Variants in KIAA1217 observed in about 807,000 individuals in gnomAD.
KIAA1217 encodes sickle tail protein homolog.
A neutral mutation model predicts 163.9 loss-of-function variants in KIAA1217; 88 were observed. The observed-to-expected ratio is 0.54, with a 90% CI of 0.45 to 0.64. KIAA1217 has a LOEUF of 0.64. KIAA1217 is among the 30% of genes least tolerant of loss of function. The pLI is 0.00. For synonymous variants in KIAA1217, 903 were observed against 923.1 expected, an observed-to-expected ratio of 0.98 and a Z score of 0.39; for missense variants, 2,372 against 2,475.0, an observed-to-expected ratio of 0.96 and a Z score of 0.88.
chr10:23,895,468 G>A (rs1490061883), intron 1 of KIAA1217, among the ~76,000 whole-genome samples: 1 of 152,094 alleles, frequency 6.6e-6, no homozygotes, highest in Non-Finnish European at 1.5e-5. Flanking sequence ...AGTTAGAATG[G>A]CAATCATTAA....
At chr10:23,877,513 A>G (rs1358891747) in intron 1 of KIAA1217, 1 of 151,644 alleles carries the variant, frequency 6.6e-6, no homozygotes, top group Non-Finnish European at 1.5e-5. Context: ...AGACAACGTC[A>G]TAATCAGCAT....
At chr10:24,290,101 C>T (rs368490679) in intron 2 of KIAA1217, among the ~76,000 whole-genome samples, 3 of 151,944 alleles carry the variant, frequency 2.0e-5, no homozygotes, top group Non-Finnish European at 2.9e-5. Flanking sequence ...ATAAGGAGGC[C>T]GAAAAACCTG....
chr10:24,061,412 C>A (rs966192119), intron 2 of KIAA1217, among the ~76,000 whole-genome samples: 5 of 152,124 alleles, frequency 3.3e-5, no homozygotes, highest in African/African-American at 1.2e-4. Flanking sequence ...GCTTCAAATA[C>A]AATGATTTAA....
At chr10:23,713,502 G>A (rs573689423) in intron 1 of KIAA1217, among the ~76,000 whole-genome samples, 2 of 152,200 alleles carry the variant, frequency 1.3e-5, no homozygotes, top group East Asian at 3.9e-4. Context: ...GTGTTTAACA[G>A]CTTCTTTGGA....
chr10:24,372,863 A>T (rs1364256839), intron 2 of KIAA1217, among the ~76,000 whole-genome samples: 5 of 152,198 alleles, frequency 3.3e-5, no homozygotes, highest in African/African-American at 1.2e-4. Context: ...TCTATTAAAG[A>T]TGTAATATGT....
chr10:24,402,244 C>T (rs534767247), intron 3 of KIAA1217, among the ~76,000 whole-genome samples: 6 of 152,234 alleles, frequency 3.9e-5, no homozygotes, highest in East Asian at 3.9e-4. Flanking sequence ...CAGTGACTCA[C>T]GCCTGTAATC....
chr10:23,818,002 T>TAC (rs1214729376), intron 1 of KIAA1217, among the ~76,000 whole-genome samples: 1 of 103,718 alleles, frequency 9.6e-6, no homozygotes, highest in African/African-American at 4.0e-5. Flanking sequence ...TATATATATA[T>TAC]ATATATACAC....
chr10:24,119,234 A>C (rs1204708529), intron 2 of KIAA1217, among the ~76,000 whole-genome samples: 2 of 152,214 alleles, frequency 1.3e-5, no homozygotes, highest in African/African-American at 4.8e-5. Context: ...ACGATATTTT[A>C]ACTTGGAAAA....
At chr10:24,240,451 C>G (rs535963596) in intron 2 of KIAA1217, among the ~76,000 whole-genome samples, 2 of 152,288 alleles carry the variant, frequency 1.3e-5, no homozygotes, top group East Asian at 3.8e-4. Context: ...TGAAATTTTG[C>G]AGTTAGATAA....
At chr10:23,907,196 C>G (rs1842196741) in intron 1 of KIAA1217, among the ~76,000 whole-genome samples, 1 of 151,962 alleles carries the variant, frequency 6.6e-6, no homozygotes, top group African/African-American at 2.4e-5. Flanking sequence ...TTTCACCCTC[C>G]TTTCTTTTGT....
At chr10:24,456,633 G>A (rs1006224251) in intron 5 of KIAA1217, among the ~76,000 whole-genome samples, 1 of 151,920 alleles carries the variant, frequency 6.6e-6, no homozygotes, top group East Asian at 1.9e-4. Context: ...TCCAGTGCTC[G>A]ATCCACCACA....
In KIAA1217 at chr10:23,998,704, G is replaced by A. The variant is rs534050391; in HGVS notation, c.-320-8521G>A. ...CAGGGGAGAATTAGTTGGGGAAACT[G>A]GGCACTTACAAAAGGTCTTACTGAT... On this transcript the variant is annotated intron_variant, in intron 1 of 18. Coordinates refer to the KIAA1217 transcript ENST00000376462. Among the ~76,000 whole-genome samples the A allele has an allele frequency of 6.6e-5, 10 of 152,318 alleles. No homozygotes were observed. The South Asian group carries it at 1.7e-3, about 25-fold the overall frequency.
intron 1 of KIAA1217, among the ~76,000 whole-genome samples, chr10:23,931,193 G>T (rs1266813677): frequency 6.6e-6 from 1 of 152,000 alleles, no homozygotes; most frequent in African/African-American, 2.4e-5. Flanking sequence ...TCATTACATG[G>T]ATGTTCTTGT....
chr10:24,015,639 C>T (rs1376532303), intron 2 of KIAA1217, among the ~76,000 whole-genome samples: 1 of 151,650 alleles, frequency 6.6e-6, no homozygotes, highest in Non-Finnish European at 1.5e-5. Context: ...GCCTGTAGTC[C>T]CAGCTACTCA....
chr10:23,970,348 C>G (rs772969134), intron 1 of KIAA1217, among the ~76,000 whole-genome samples: 1 of 152,078 alleles, frequency 6.6e-6, no homozygotes, highest in African/African-American at 2.4e-5. Flanking sequence ...TCTGGAGGAA[C>G]CTGGGCAACA....
At chr10:23,743,928 C>T (rs1040531378) in intron 1 of KIAA1217, among the ~76,000 whole-genome samples, 1 of 151,702 alleles carries the variant, frequency 6.6e-6, no homozygotes, top group South Asian at 2.1e-4. Context: ...TCTGAGAACC[C>T]AGGAGAGGGA....
chr10:24,026,578 A>G (rs1164193989), intron 2 of KIAA1217, among the ~76,000 whole-genome samples: 3 of 151,734 alleles, frequency 2.0e-5, no homozygotes, highest in Non-Finnish European at 4.4e-5. Context: ...TATTTATATG[A>G]TTATATCCTC....
intron 2 of KIAA1217, among the ~76,000 whole-genome samples, chr10:24,297,296 A>G (rs1461239205): frequency 6.6e-6 from 1 of 152,192 alleles, no homozygotes; most frequent in Non-Finnish European, 1.5e-5. Flanking sequence ...GTGTTTAATA[A>G]TTGCATGCTT....
intron 6 of KIAA1217, chr10:24,482,585 T>C (rs1191590892): frequency 6.6e-6 from 1 of 152,236 alleles, no homozygotes; most frequent in Non-Finnish European, 1.5e-5. Flanking sequence ...GATTTACTTG[T>C]CCTTCTGTCT....
Sources: allele counts gnomAD v4.1 joint callset (sites outside exome capture counted in the v4.1 genomes callset), GRCh38; gene constraint gnomAD v4.1.1; transcripts MANE v1.5; gene names NCBI Gene and HGNC (gene_info 2026-07-23, HGNC 2026-07-21).